The following CA4 variants were observed in gnomAD, a reference collection of about 807,000 sequenced individuals.
CA4 encodes carbonic anhydrase 4, also known as CA-IV.
In CA4, 24 loss-of-function variants were observed where a neutral mutation model predicts 34.5. That is an observed-to-expected ratio of 0.70 (90% CI 0.50 to 0.98). CA4 has a LOEUF of 0.98. Among genes scored for constraint, CA4 ranks in the 50% least tolerant of loss-of-function variants. CA4 has a pLI of 0.00. For synonymous variants in CA4, 178 were observed against 170.6 expected, an observed-to-expected ratio of 1.04 and a Z score of -0.34; for missense variants, 394 against 396.7, an observed-to-expected ratio of 0.99 and a Z score of 0.06.
chr17:60,161,994 G>T (rs1476069111), downstream of CA4, among the ~76,000 whole-genome samples: 1 of 152,068 alleles, frequency 6.6e-6, no homozygotes, highest in East Asian at 1.9e-4. Flanking sequence ...GCAGGACCAG[G>T]AAGTCCTGGC....
the CA4 span, among the ~76,000 whole-genome samples, chr17:60,178,383 G>T: frequency 2.0e-5 from 3 of 152,242 alleles, no homozygotes; most frequent in Non-Finnish European, 4.4e-5. Flanking sequence ...ACAGGTGCAT[G>T]TGAAGATGGT....
At chr17:60,178,837 T>A in the CA4 span, among the ~76,000 whole-genome samples, 2 of 152,264 alleles carry the variant, frequency 1.3e-5, no homozygotes, top group Non-Finnish European at 2.9e-5. Context: ...AGGTAGCATA[T>A]CATGTCGTCC....
intron 7 of CA4, 158 bp from the exon 8 acceptor site, chr17:60,159,072 A>G (rs142401267): frequency 2.4e-5 from 17 of 702,456 alleles, no homozygotes; most frequent in African/African-American, 2.1e-4. Context: ...TACATCCCCT[A>G]TTCTTATCAT....
downstream of CA4, among the ~76,000 whole-genome samples, chr17:60,172,893 C>T (rs1459247721): frequency 6.6e-6 from 1 of 150,972 alleles, no homozygotes; most frequent in Non-Finnish European, 1.5e-5. Context: ...CCTGTAATCC[C>T]AGCACTTTGG....
At chr17:60,158,557 C>G in intron 7 of CA4, 111 bp downstream of exon 7, 1 of 1,072,622 alleles carries the variant, frequency 9.3e-7, no homozygotes, top group East Asian at 2.6e-5. Flanking sequence ...GCCCAGGTAA[C>G]TGAAGTCCGT....
In CA4 at chr17:60,169,265, C is replaced by CAAAAAAAAAAAAA. The variant is rs1567737713; in HGVS notation, c.*179-1285_*179-1284insAAAAAAAAAAAAA. Among the ~76,000 whole-genome samples, 210 of 139,524 alleles carry CAAAAAAAAAAAAA rather than the reference C, an allele frequency of 1.5e-3. 10 individuals carry two copies. Among genetic ancestry groups the CAAAAAAAAAAAAA allele is most frequent in the African/African-American group, 6.2e-3 (205 of 32,874 alleles). The allele number at this position is 139,524 out of a possible 152,430, so 91.5% of individuals were successfully genotyped here. On this transcript the variant is annotated intron_variant and NMD_transcript_variant, in intron 5 of 5. Transcript: ENST00000586876. ...CCCTCTGTCTCAAAAAAAAAAAAAG[C>CAAAAAAAAAAAAA]AGCAGCAGCAGCAGCAGCAGCAACA... is the stretch of plus-strand genomic sequence containing the variant.
chr17:60,169,262 A>AAGCAGC (rs75260260), intron 5 of CA4, among the ~76,000 whole-genome samples: 86 of 149,542 alleles, frequency 5.8e-4, no homozygotes, highest in African/African-American at 2.0e-3. Flanking sequence ...AAAAAAAAAA[A>AAGCAGC]AGCAGCAGCA....
chr17:60,165,732 CCT>C (rs1172274688), intron 5 of CA4, among the ~76,000 whole-genome samples: 1 of 152,100 alleles, frequency 6.6e-6, no homozygotes, highest in African/African-American at 2.4e-5. Context: ...AGTGCCTGCC[CCT>C]GTCCCCACCC....
chr17:60,150,120 G>A (rs778404462), intron 1 of CA4, 28 bp downstream of exon 1: 3 of 1,579,070 alleles, frequency 1.9e-6, no homozygotes, highest in Non-Finnish European at 2.6e-6. Context: ...GGCCCCAGGT[G>A]CCCCTCGGCG....
the CA4 span, among the ~76,000 whole-genome samples, chr17:60,176,467 T>C: frequency 1.3e-4 from 20 of 152,096 alleles, no homozygotes; most frequent in African/African-American, 4.3e-4. Context: ...ACTAGGGACA[T>C]CTCTGGTTTC....
chr17:60,162,546 T>C (rs1598001679), downstream of CA4, among the ~76,000 whole-genome samples: 1 of 132,230 alleles, frequency 7.6e-6, no homozygotes. Flanking sequence ...CTGCATGGGG[T>C]ACACACACAC....
Position 60,155,380 on chromosome 17 carries a change from A to G in CA4, c.112+13A>G, listed in dbSNP as rs1340552465. 1.2e-6 allele frequency: 2 copies of G among 1,600,612 alleles called. No homozygotes were observed. The highest frequency in any genetic ancestry group is 1.6e-4 in the Middle Eastern group (1 of 6,074). On this transcript the variant is annotated intron_variant, in intron 2 of 7. Coordinates refer to ENST00000300900, the MANE Select transcript of CA4 (RefSeq NM_000717.5). ...TACCCCTGCTTGGGTGAGTACAGCC[A>G]GTCCAGGGGACTGCTCTTTGTGCAT...
chr17:60,157,064 G>A, intron 3 of CA4: 2 of 516,082 alleles, frequency 3.9e-6, no homozygotes, highest in South Asian at 4.1e-5. Context: ...CAAGGCCCAG[G>A]GGCAGCTGGG....
At chr17:60,164,440 A>G (rs2083834404), downstream of CA4, among the ~76,000 whole-genome samples, 1 of 150,452 alleles carries the variant, frequency 6.6e-6, no homozygotes, top group Non-Finnish European at 1.5e-5. Flanking sequence ...CCCAGACTGG[A>G]GTGCAGTGGC....
chr17:60,155,729 A>G (rs2083671660), intron 2 of CA4, among the ~76,000 whole-genome samples: 1 of 152,138 alleles, frequency 6.6e-6, no homozygotes, highest in Non-Finnish European at 1.5e-5. Flanking sequence ...CTCAGGGACC[A>G]GGGAGCATAG....
Position 60,157,750 on chromosome 17 carries a change from C to T in CA4, c.475C>T (p.Pro159Ser), listed in dbSNP as rs758158360. The T allele has an allele frequency of 1.9e-6, 3 of 1,614,084 alleles. No individual in the cohort carries two copies. The highest frequency in any genetic ancestry group is 2.5e-6 in the Non-Finnish European group (3 of 1,179,932). Residue 159 changes from proline to serine, a missense_variant, in exon 5 of 8, where the codon CCT (proline) becomes TCT (serine). Physicochemically the swap from Pro to Ser is moderately conservative, Grantham distance 74. Coordinates refer to ENST00000300900, the MANE Select transcript of CA4 (RefSeq NM_000717.5). Reference protein sequence around the residue: ...TSRNVKEAQDPEDEIAVLAFL... With the variant: ...TSRNVKEAQDSEDEIAVLAFL... The stretch of plus-strand genomic sequence containing the variant: ...GAGGAATGTGAAAGAGGCCCAGGAC[C>T]CTGAAGACGAAATTGCGGTGCTGGC...
rs541301533 is a variant in CA4, at chr17:60,150,242, G to T, written c.58+150G>T. ...TGCGTGTGCGCCGGGGGCCGCGAGG[G>T]TGCGGGAGGACTGGGCAGCGCGCGA... On this transcript the variant is annotated intron_variant, in intron 1 of 7. Transcript: ENST00000300900. 13 of 649,788 alleles carry T rather than the reference G, an allele frequency of 2.0e-5. No homozygotes were observed. The Admixed American group carries it at 2.1e-4, about 11-fold the overall frequency. 40.3% of individuals were successfully genotyped at this position (649,788 alleles called of 1,614,324 possible). A position where few individuals can be genotyped will look rare whatever the true frequency, so the allele number is the denominator to read the frequency against.
At chr17:60,152,186 A>T (rs891719504) in intron 1 of CA4, among the ~76,000 whole-genome samples, 3 of 151,694 alleles carry the variant, frequency 2.0e-5, no homozygotes, top group African/African-American at 7.3e-5. Flanking sequence ...ACCTCTGGGT[A>T]GGTAGCCCCT....
At position 60,150,143 on chromosome 17, in the gene CA4, C is replaced by G. The variant is rs759927063; in HGVS notation, c.58+51C>G. 9.8e-6 allele frequency: 14 copies of G among 1,421,856 alleles called. No homozygotes were observed. In the Middle Eastern group the frequency reaches 6.9e-4, roughly 70 times the overall value. The allele number at this position is 1,421,856 out of a possible 1,614,324, so 88.1% of individuals were successfully genotyped here. Reference sequence around the variant, plus strand: ...GTGCCCCTCGGCGGTCCCCTCCGTGCCCCCAGCTCCCGCCCCTGCAGAGGA... The same window carrying G: ...GTGCCCCTCGGCGGTCCCCTCCGTGGCCCCAGCTCCCGCCCCTGCAGAGGA... On this transcript the variant is annotated intron_variant, in intron 1 of 7. Transcript: ENST00000300900.
Sources: gnomAD v4.1 joint callset for allele counts (sites outside exome capture counted in the v4.1 genomes callset) on GRCh38, gnomAD v4.1.1 for gene constraint, MANE v1.5 for transcripts, NCBI Gene and HGNC (gene_info 2026-07-23, HGNC 2026-07-21) for gene names.